The following ACAP2 variants were observed in gnomAD, a reference collection of about 807,000 sequenced individuals.
ACAP2 encodes arf-GAP with coiled-coil, ANK repeat and PH domain-containing protein 2.
ACAP2 carries 39 observed loss-of-function variants against 115.8 expected under a neutral mutation model. That is an observed-to-expected ratio of 0.34 (90% CI 0.26 to 0.44). The LOEUF (loss-of-function observed/expected upper bound fraction) is 0.44. Ranked by LOEUF, ACAP2 falls within the 20% of genes least tolerant of loss-of-function variation. The probability of loss-of-function intolerance (pLI) is 1.00; values close to 1 mark genes in which losing one functional copy is unlikely to be tolerated. For missense variants in ACAP2, 662 were observed against 927.6 expected, an observed-to-expected ratio of 0.71 and a Z score of 3.72; for synonymous variants, 289 against 315.8, an observed-to-expected ratio of 0.92 and a Z score of 0.90.
At position 195,345,243 on chromosome 3, in the gene ACAP2, A is replaced by C; in HGVS notation, c.344+16T>G. The C allele has an allele frequency of 6.3e-7, 1 of 1,593,650 alleles. No individual in the cohort carries two copies. Among genetic ancestry groups the C allele is most frequent in the Non-Finnish European group, 8.6e-7 (1 of 1,162,556 alleles). On this transcript the variant is annotated intron_variant, in intron 5 of 22. Coordinates refer to ENST00000326793, the MANE Select transcript of ACAP2 (RefSeq NM_012287.6). ...AACTAGTTAATTTTCTTTCCTCTTC[A>C]CCGCAATTGACTTACTCTTTAACAA...
intron 1 of ACAP2, among the ~76,000 whole-genome samples, chr3:195,399,620 GA>G (rs67524107): frequency 7.4e-5 from 11 of 149,482 alleles, no homozygotes; most frequent in Non-Finnish European, 7.4e-5. Flanking sequence ...AAAAAGTAGC[GA>G]AAAAAAAAAT....
At position 195,274,969 on chromosome 3, in the gene ACAP2, C is replaced by T. The variant is rs1447974706; in HGVS notation, c.*4359G>A. On this transcript the variant is annotated 3_prime_UTR_variant, in exon 23 of 23. Coordinates refer to ENST00000326793, the MANE Select transcript of ACAP2 (RefSeq NM_012287.6). ...TGGTTATACATTCTTTAAAATATAC[C>T]TTTTCACAGGTAGCAAGAAATAGTA... 6.6e-6 allele frequency: 1 copy of T among 152,426 alleles called. No individual in the cohort carries two copies. Among genetic ancestry groups the T allele is most frequent in the Non-Finnish European group, 1.5e-5 (1 of 67,984 alleles). 9.4% of individuals were successfully genotyped at this position (152,426 alleles called of 1,614,324 possible). A position where few individuals can be genotyped will look rare whatever the true frequency, so the allele number is the denominator to read the frequency against.
chr3:195,338,688 T>A (rs1730673399), intron 6 of ACAP2, among the ~76,000 whole-genome samples: 1 of 152,174 alleles, frequency 6.6e-6, no homozygotes, highest in Non-Finnish European at 1.5e-5. Context: ...AGATTTGCCT[T>A]TTAGAGGATC....
At chr3:195,370,775 C>G (rs1368481297) in intron 4 of ACAP2, among the ~76,000 whole-genome samples, 2 of 152,012 alleles carry the variant, frequency 1.3e-5, no homozygotes, top group Non-Finnish European at 2.9e-5. Context: ...CATGGCAAAA[C>G]CCTGTCTTAT....
intron 15 of ACAP2, among the ~76,000 whole-genome samples, chr3:195,301,328 C>T (rs868266816): frequency 2.2e-4 from 34 of 152,148 alleles, no homozygotes; most frequent in African/African-American, 8.2e-4. Context: ...CCTCATGATC[C>T]GCCCGCCTCG....
chr3:195,389,290 T>G (rs1048612925), intron 2 of ACAP2, among the ~76,000 whole-genome samples: 1 of 152,004 alleles, frequency 6.6e-6, no homozygotes, highest in Non-Finnish European at 1.5e-5. Context: ...CTACCCCAAG[T>G]GAATAATACA....
chr3:195,290,872 TAAAA>T (rs1213026557), intron 20 of ACAP2, among the ~76,000 whole-genome samples: 2 of 149,942 alleles, frequency 1.3e-5, no homozygotes, highest in Non-Finnish European at 3.0e-5. Context: ...AATAAATAAA[TAAAA>T]ATAGCCAGAC....
At chr3:195,363,624 C>G (rs1352375931) in intron 4 of ACAP2, among the ~76,000 whole-genome samples, 3 of 144,592 alleles carry the variant, frequency 2.1e-5, no homozygotes, top group Admixed American at 2.1e-4. Flanking sequence ...AAACCACATA[C>G]ACACACACAC....
At chr3:195,432,059 T>A (rs1715170616) in intron 1 of ACAP2, among the ~76,000 whole-genome samples, 1 of 152,242 alleles carries the variant, frequency 6.6e-6, no homozygotes, top group South Asian at 2.1e-4. Context: ...GGATTATTTG[T>A]CCTTCGAGTT....
At chr3:195,359,740 T>C (rs1732226175) in intron 4 of ACAP2, among the ~76,000 whole-genome samples, 1 of 152,216 alleles carries the variant, frequency 6.6e-6, no homozygotes, top group Non-Finnish European at 1.5e-5. Flanking sequence ...GTGCTGGGAT[T>C]ACAGGCGTGA....
At chr3:195,346,362 C>G (rs912176914) in intron 4 of ACAP2, among the ~76,000 whole-genome samples, 3 of 152,024 alleles carry the variant, frequency 2.0e-5, no homozygotes, top group African/African-American at 7.2e-5. Context: ...ATTGATAAAC[C>G]TCTAACCACA....
rs1327989940 is a variant in ACAP2 at position 195,424,259 on chromosome 3, GTGTA to G, written c.53+18532_53+18535del. 4.7e-4 allele frequency among the ~76,000 whole-genome samples: 30 copies of G among 64,178 alleles called. 1 individual carries two copies. The highest frequency in any genetic ancestry group is 1.7e-3 in the African/African-American group (29 of 16,880). The allele number at this position is 64,178 out of a possible 152,430, so 42.1% of individuals were successfully genotyped here. A position where few individuals can be genotyped will look rare whatever the true frequency, so the allele number is the denominator to read the frequency against. ...GTGTGTGTGTGGTGTGTGTGTGTGTGTGTATATATATATATATATATATATTTTT... is the reference window on the plus strand; with the variant it reads ...GTGTGTGTGTGGTGTGTGTGTGTGTGTATATATATATATATATATATTTTT... On this transcript the variant is annotated intron_variant, in intron 1 of 22. Transcript: ENST00000326793.
chr3:195,322,311 C>A (rs1729502888), intron 9 of ACAP2, among the ~76,000 whole-genome samples: 1 of 152,138 alleles, frequency 6.6e-6, no homozygotes, highest in Non-Finnish European at 1.5e-5. Context: ...TATTAAGGAG[C>A]AGTAAACGTC....
At chr3:195,417,682 T>C (rs1333154014) in intron 1 of ACAP2, among the ~76,000 whole-genome samples, 1 of 152,208 alleles carries the variant, frequency 6.6e-6, no homozygotes, top group Non-Finnish European at 1.5e-5. Flanking sequence ...GTACAGTGGC[T>C]CACACCTGTA....
chr3:195,361,591 A>G (rs1307673362), intron 4 of ACAP2, among the ~76,000 whole-genome samples: 1 of 152,134 alleles, frequency 6.6e-6, no homozygotes, highest in African/African-American at 2.4e-5. Flanking sequence ...ACCTTCAAAT[A>G]AACAACCTAA....
intron 13 of ACAP2, among the ~76,000 whole-genome samples, 196 bp from the exon 14 acceptor site, chr3:195,302,370 G>A (rs752177204): frequency 6.6e-6 from 1 of 152,090 alleles, no homozygotes; most frequent in Non-Finnish European, 1.5e-5. Context: ...TTATTCCAGT[G>A]GGGAGAAACG....
rs1357913167 is a variant in ACAP2, at chr3:195,297,100, CTT to C, written c.1487+88_1487+89del. 2.6e-6 allele frequency: 3 copies of C among 1,153,752 alleles called. No individual in the cohort carries two copies. In the African/African-American group the frequency reaches 4.6e-5, roughly 18 times the overall value. 71.5% of individuals were successfully genotyped at this position (1,153,752 alleles called of 1,614,324 possible). ...AAGTGGTAATGACTGCTTCTAAACA[CTT>C]TGTCTCAATGTTATATATCAATTAC... On this transcript the variant is annotated intron_variant, in intron 16 of 22. Transcript: ENST00000326793.
At chr3:195,356,552 G>A (rs1731984830) in intron 4 of ACAP2, among the ~76,000 whole-genome samples, 1 of 152,116 alleles carries the variant, frequency 6.6e-6, no homozygotes, top group Non-Finnish European at 1.5e-5. Flanking sequence ...AGGCAGGAAG[G>A]CTCCCAGCTC....
rs1731454210 is a variant in ACAP2 at position 195,350,117 on chromosome 3, T to C, written c.286-4800A>G. Reference sequence around the variant, plus strand: ...TCTACTTTGAGTAACACATATACTATTCAGATTAGAAGACTTATTATTAGC... The same window carrying C: ...TCTACTTTGAGTAACACATATACTACTCAGATTAGAAGACTTATTATTAGC... On this transcript the variant is annotated intron_variant, in intron 4 of 22. Transcript: ENST00000326793. 3 of 152,988 alleles carry C rather than the reference T, an allele frequency of 2.0e-5. No individual in the cohort carries two copies. The South Asian group carries it at 6.1e-4, about 31-fold the overall frequency. The allele number at this position is 152,988 out of a possible 1,614,324, so 9.5% of individuals were successfully genotyped here. A position where few individuals can be genotyped will look rare whatever the true frequency, so the allele number is the denominator to read the frequency against.
Sources: gnomAD v4.1 joint callset for allele counts (sites outside exome capture counted in the v4.1 genomes callset) on GRCh38, gnomAD v4.1.1 for gene constraint, MANE v1.5 for transcripts, NCBI Gene and HGNC (gene_info 2026-07-23, HGNC 2026-07-21) for gene names.